The following DOCK1 variants were observed in gnomAD, a reference collection of about 807,000 sequenced individuals.
DOCK1 encodes the protein dedicator of cytokinesis 1.
In DOCK1, 138 loss-of-function variants were observed where a neutral mutation model predicts 262.7. The ratio of observed to expected loss-of-function variants is 0.53; its 90% confidence interval spans 0.46 to 0.61. The LOEUF (loss-of-function observed/expected upper bound fraction) is 0.61. Ranked by LOEUF, DOCK1 falls within the 20% of genes least tolerant of loss-of-function variation. The pLI is 0.00. For missense variants in DOCK1, 1,908 were observed against 2,370.7 expected, an observed-to-expected ratio of 0.80 and a Z score of 4.05; for synonymous variants, 866 against 867.4, an observed-to-expected ratio of 1.00 and a Z score of 0.03.
chr10:127,081,300 A>C (rs1021813512), intron 23 of DOCK1, among the ~76,000 whole-genome samples: 1 of 149,356 alleles, frequency 6.7e-6, no homozygotes, highest in African/African-American at 2.5e-5. Flanking sequence ...GTGCCATTGA[A>C]CTCCCAGAGT....
intron 29 of DOCK1, among the ~76,000 whole-genome samples, chr10:127,332,344 A>T (rs1355359186): frequency 6.6e-6 from 1 of 151,398 alleles, no homozygotes; most frequent in Non-Finnish European, 1.5e-5. Context: ...ATGGAGGCTT[A>T]AGCTTTTATT....
intron 6 of DOCK1, among the ~76,000 whole-genome samples, chr10:126,993,453 C>T (rs1172819969): frequency 6.6e-6 from 1 of 152,238 alleles, no homozygotes; most frequent in Non-Finnish European, 1.5e-5. Flanking sequence ...ACCATGCCCA[C>T]ACCGTCACTG....
At chr10:127,092,682 C>T (rs2047610839) in intron 23 of DOCK1, among the ~76,000 whole-genome samples, 1 of 152,114 alleles carries the variant, frequency 6.6e-6, no homozygotes, top group Non-Finnish European at 1.5e-5. Context: ...CAGGGTTTCA[C>T]CATGTTGCCA....
At chr10:127,316,470 GA>G (rs1479464092) in intron 29 of DOCK1, among the ~76,000 whole-genome samples, 7 of 152,138 alleles carry the variant, frequency 4.6e-5, no homozygotes. Flanking sequence ...GACAAAGTTA[GA>G]AAAAGCCATC....
intron 27 of DOCK1, among the ~76,000 whole-genome samples, chr10:127,179,405 C>T (rs2055500498): frequency 6.6e-6 from 1 of 152,178 alleles, no homozygotes; most frequent in Non-Finnish European, 1.5e-5. Context: ...GATTTTTAAT[C>T]ACTTTAGTTT....
At chr10:126,915,878 AG>A (rs1210558403) in intron 1 of DOCK1, among the ~76,000 whole-genome samples, 1 of 151,684 alleles carries the variant, frequency 6.6e-6, no homozygotes, top group East Asian at 2.0e-4. Flanking sequence ...TGTGTACTAA[AG>A]CTTGCTAATG....
At position 127,370,020 on chromosome 10, in the gene DOCK1, G is replaced by A. The variant is rs140961841; in HGVS notation, c.3433-3761G>A. Among the ~76,000 whole-genome samples the A allele has an allele frequency of 5.4e-3, 828 of 152,188 alleles. 2 individuals carry two copies. The highest frequency in any genetic ancestry group is 0.01 in the Middle Eastern group (3 of 294). The stretch of plus-strand genomic sequence containing the variant: ...TTGCCTGTTTCATCTTCTTAACCAT[G>A]TTTTCCACCCAGATACAGTCCAGCA... On this transcript the variant is annotated intron_variant, in intron 33 of 51. Coordinates refer to ENST00000623213, the MANE Select transcript of DOCK1 (RefSeq NM_001290223.2).
intron 21 of DOCK1, among the ~76,000 whole-genome samples, chr10:127,050,309 C>CCTTAATTATAATAGATATTT (rs1295121442): frequency 6.6e-6 from 1 of 151,060 alleles, no homozygotes; most frequent in African/African-American, 2.4e-5. Context: ...ACAGATATTT[C>CCTTAATTATAATAGATATTT]CTTAATTATA....
intron 27 of DOCK1, among the ~76,000 whole-genome samples, chr10:127,157,791 T>G (rs74158626): frequency 7.0e-4 from 107 of 152,340 alleles, no homozygotes; most frequent in African/African-American, 2.5e-3. Flanking sequence ...AAGTTTTGTT[T>G]GGGATCTTTC....
chr10:127,277,562 A>C (rs2060786150), intron 29 of DOCK1, among the ~76,000 whole-genome samples: 1 of 152,164 alleles, frequency 6.6e-6, no homozygotes. Flanking sequence ...GTTCGAGACC[A>C]GGCTGACCAA....
At chr10:127,414,383 C>T (rs1430053848) in intron 43 of DOCK1, among the ~76,000 whole-genome samples, 1 of 152,138 alleles carries the variant, frequency 6.6e-6, no homozygotes, top group African/African-American at 2.4e-5. Context: ...TCCAGTTGAC[C>T]CCTGCATTGG....
intron 27 of DOCK1, among the ~76,000 whole-genome samples, chr10:127,230,129 T>C (rs1273994519): frequency 6.6e-6 from 1 of 152,194 alleles, no homozygotes. Flanking sequence ...TTCTTGCTAT[T>C]AAGTTATCTG....
chr10:127,090,453 G>T (rs2047450837), intron 23 of DOCK1, among the ~76,000 whole-genome samples: 1 of 145,784 alleles, frequency 6.9e-6, no homozygotes, highest in Non-Finnish European at 1.5e-5. Flanking sequence ...TTTTCCAGTG[G>T]AGAATGGGAC....
At chr10:127,187,924 G>A (rs1265673570) in intron 27 of DOCK1, among the ~76,000 whole-genome samples, 1 of 152,168 alleles carries the variant, frequency 6.6e-6, no homozygotes, top group Non-Finnish European at 1.5e-5. Context: ...ATACGATAAA[G>A]AACCACTGGC....
In DOCK1 at chr10:127,127,753, T is replaced by A; in HGVS notation, c.2836T>A (p.Ser946Thr). 6.2e-7 allele frequency: 1 copy of A among 1,611,740 alleles called. No homozygotes were observed. The highest frequency in any genetic ancestry group is 8.5e-7 in the Non-Finnish European group (1 of 1,178,178). Residue 946 changes from serine to threonine, a missense_variant, in exon 27 of 52, where the codon TCT (serine) becomes ACT (threonine). Physicochemically the swap from Ser to Thr is moderately conservative, Grantham distance 58 (BLOSUM62 1). Coordinates refer to ENST00000623213, the MANE Select transcript of DOCK1 (RefSeq NM_001290223.2). ...AACCGTCATTTCCATGGGACGAGAT[T>A]CTGAACTCATTGTAAGTGCTTGGTG... ...NRTVISMGRD[S>T]ELIGNFVACM...
chr10:127,417,345 G>A (rs2068219716), intron 44 of DOCK1, among the ~76,000 whole-genome samples: 1 of 152,202 alleles, frequency 6.6e-6, no homozygotes, highest in Non-Finnish European at 1.5e-5. Flanking sequence ...GGGCTGAGCT[G>A]GAGGGCACTG....
intron 27 of DOCK1, among the ~76,000 whole-genome samples, chr10:127,163,765 A>G (rs1460596768): frequency 6.6e-6 from 1 of 150,796 alleles, no homozygotes; most frequent in East Asian, 2.0e-4. Context: ...TTGCACCTAA[A>G]CCAGGCCCAC....
At position 127,175,437 on chromosome 10, in the gene DOCK1, T is replaced by C. The variant is rs1235460391; in HGVS notation, c.2847+47673T>C. On this transcript the variant is annotated intron_variant, in intron 27 of 51. Transcript: ENST00000623213. This position sits in a 1 kb window ranked among gnomAD's most constrained non-coding sequence, Gnocchi z 6.3. ...CGGGGTGTGAGTCTGCGACGGCTGC[T>C]CACTACATTCGGGGGACAGGCACTG... 6.2e-7 allele frequency: 1 copy of C among 1,612,502 alleles called. No homozygotes were observed. The highest frequency in any genetic ancestry group is 8.5e-7 in the Non-Finnish European group (1 of 1,180,016).
intron 29 of DOCK1, among the ~76,000 whole-genome samples, chr10:127,279,379 TG>T (rs1412050309): frequency 1.3e-5 from 2 of 152,344 alleles, no homozygotes; most frequent in Middle Eastern, 3.4e-3. Flanking sequence ...AAGGCAATAC[TG>T]ATTTAGTATC....
Sources: allele counts gnomAD v4.1 joint callset (sites outside exome capture counted in the v4.1 genomes callset), GRCh38; gene constraint gnomAD v4.1.1; non-coding constraint Gnocchi (gnomAD v3.1); transcripts MANE v1.5; gene names NCBI Gene and HGNC (gene_info 2026-07-23, HGNC 2026-07-21).